Variants in C12orf42 observed in about 807,000 individuals in gnomAD.
C12orf42 encodes the protein uncharacterized protein C12orf42.
In C12orf42, 25 loss-of-function variants were observed where a neutral mutation model predicts 21.6. The ratio of observed to expected loss-of-function variants is 1.16; its 90% confidence interval spans 0.84 to 1.62. The LOEUF (loss-of-function observed/expected upper bound fraction) is 1.62, where lower values mean the gene tolerates loss of function less well. C12orf42 is among the 40% of genes most tolerant of loss of function. The pLI, the probability that C12orf42 is intolerant of heterozygous loss-of-function variation, is 0.00. For missense variants in C12orf42, 483 were observed against 459.3 expected, an observed-to-expected ratio of 1.05 and a Z score of -0.47; for synonymous variants, 174 against 175.0, an observed-to-expected ratio of 0.99 and a Z score of 0.05.
chr12:103,520,551 C>T, the C12orf42 span, among the ~76,000 whole-genome samples: 8 of 151,308 alleles, frequency 5.3e-5, no homozygotes, highest in African/African-American at 1.9e-4. Flanking sequence ...ACAACAACAA[C>T]AACAAATCTT....
rs1003858198 is a variant in C12orf42 at position 103,399,402 on chromosome 12, T to A, written c.147+2205A>T. 4.0e-5 allele frequency among the ~76,000 whole-genome samples: 6 copies of A among 151,702 alleles called. No homozygotes were observed. The South Asian group carries it at 1.3e-3, about 32-fold the overall frequency. ...TTGTTTGTTTGAAACAGAGTCTCAC[T>A]CTGTCGCCCAGGCTGGAGTGAAATG... On this transcript the variant is annotated intron_variant, in intron 3 of 5. Coordinates refer to ENST00000548883, the MANE Select transcript of C12orf42 (RefSeq NM_198521.5).
intron 2 of C12orf42, among the ~76,000 whole-genome samples, chr12:103,429,037 C>T (rs1423734229): frequency 6.6e-6 from 1 of 152,174 alleles, no homozygotes; most frequent in African/African-American, 2.4e-5. Flanking sequence ...AAGCTAGAAG[C>T]ATTCCCTCTG....
chr12:103,411,366 ACT>A (rs2048832097), intron 2 of C12orf42, among the ~76,000 whole-genome samples: 1 of 152,086 alleles, frequency 6.6e-6, no homozygotes. Context: ...TTACCATGAC[ACT>A]CTACTTTTTT....
At chr12:103,201,968 A>G in the C12orf42 span, among the ~76,000 whole-genome samples, 1 of 152,242 alleles carries the variant, frequency 6.6e-6, no homozygotes, top group Non-Finnish European at 1.5e-5. Context: ...ATGATGTATA[A>G]CATTACCACA....
At chr12:103,478,306 A>T in intron 2 of C12orf42, 43 bp downstream of exon 2, 1 of 1,316,946 alleles carries the variant, frequency 7.6e-7, no homozygotes, top group Non-Finnish European at 1.1e-6. Context: ...CAAACCTATT[A>T]ACCTAAAAAA....
chr12:103,345,367 C>T (rs1373829439), intron 4 of C12orf42, among the ~76,000 whole-genome samples: 1 of 152,168 alleles, frequency 6.6e-6, no homozygotes, highest in Non-Finnish European at 1.5e-5. Context: ...AGAAGAGTGC[C>T]TGGTGTATCA....
chr12:103,300,071 A>G (rs1341559005), downstream of C12orf42, among the ~76,000 whole-genome samples: 7 of 152,254 alleles, frequency 4.6e-5, no homozygotes, highest in African/African-American at 1.7e-4. Flanking sequence ...TTTGAACCCT[A>G]CAAATCTACA....
chr12:103,116,113 G>A, the C12orf42 span, among the ~76,000 whole-genome samples: 1 of 152,146 alleles, frequency 6.6e-6, no homozygotes, highest in South Asian at 2.1e-4. Flanking sequence ...TGTAATCCCA[G>A]CACTTTGGGA....
the C12orf42 span, among the ~76,000 whole-genome samples, chr12:103,107,569 A>G: frequency 6.6e-6 from 1 of 151,956 alleles, no homozygotes; most frequent in South Asian, 2.1e-4. Context: ...TCAAATGACA[A>G]GATAAGCACT....
the C12orf42 span, among the ~76,000 whole-genome samples, chr12:103,182,176 A>G: frequency 6.6e-6 from 1 of 152,026 alleles, no homozygotes; most frequent in African/African-American, 2.4e-5. Context: ...CTCACTCCCA[A>G]TAGCAAGTAG....
the C12orf42 span, among the ~76,000 whole-genome samples, chr12:103,512,218 G>T: frequency 6.6e-6 from 1 of 152,092 alleles, no homozygotes; most frequent in Non-Finnish European, 1.5e-5. Context: ...GACAACTATT[G>T]CATGTTCTCA....
the C12orf42 span, among the ~76,000 whole-genome samples, chr12:103,540,609 C>T: frequency 0.18 from 27,408 of 152,086 alleles, 2,541 homozygotes; most frequent in South Asian, 0.29. Flanking sequence ...ATATTGCAAC[C>T]GCAGCTTTCC....
intron 3 of C12orf42, among the ~76,000 whole-genome samples, chr12:103,391,463 G>A (rs992556090): frequency 6.6e-6 from 1 of 151,970 alleles, no homozygotes; most frequent in African/African-American, 2.4e-5. Context: ...CAACCATTAT[G>A]ATGGGTATAA....
At chr12:103,127,196 T>A in the C12orf42 span, among the ~76,000 whole-genome samples, 1 of 152,204 alleles carries the variant, frequency 6.6e-6, no homozygotes, top group Admixed American at 6.5e-5. Flanking sequence ...AAATGCCACT[T>A]CTGGAAGTTT....
chr12:103,485,307 C>T lies in C12orf42; in HGVS notation c.-21-6860G>A, dbSNP rs139248862. ...AGATGTGTGCTGTTATTTCTGAGGC[C>T]GCTGTTCTGTTCCATTGGTCTATGT... On this transcript the variant is annotated intron_variant, in intron 1 of 5. Transcript: ENST00000548883. Among the ~76,000 whole-genome samples, 128 of 152,224 alleles carry T rather than the reference C, an allele frequency of 8.4e-4. 2 individuals are homozygous for T. The East Asian group carries it at 0.022, about 26-fold the overall frequency.
At chr12:103,287,369 C>A (rs1167113842) in intron 4 of C12orf42, among the ~76,000 whole-genome samples, 1 of 152,122 alleles carries the variant, frequency 6.6e-6, no homozygotes, top group East Asian at 1.9e-4. Flanking sequence ...GAATACTATG[C>A]AACCATAAAA....
downstream of C12orf42, among the ~76,000 whole-genome samples, chr12:103,236,145 C>A (rs181334368): frequency 6.6e-6 from 1 of 152,174 alleles, no homozygotes; most frequent in Non-Finnish European, 1.5e-5. Flanking sequence ...TGTCACTTTT[C>A]AGAATCTTAG....
chr12:103,248,626 C>G (rs190834767), intron 10 of C12orf42, among the ~76,000 whole-genome samples: 4 of 151,854 alleles, frequency 2.6e-5, no homozygotes, highest in African/African-American at 9.7e-5. Flanking sequence ...GAGAAAATTC[C>G]GAAGAGTAAA....
At chr12:103,415,424 T>A (rs1298462763) in intron 2 of C12orf42, among the ~76,000 whole-genome samples, 1 of 152,070 alleles carries the variant, frequency 6.6e-6, no homozygotes, top group Non-Finnish European at 1.5e-5. Context: ...TGACTAACGA[T>A]TGGACTTAAT....
Sources: gnomAD v4.1 joint callset for allele counts (sites outside exome capture counted in the v4.1 genomes callset) on GRCh38, gnomAD v4.1.1 for gene constraint, MANE v1.5 for transcripts, NCBI Gene and HGNC (gene_info 2026-07-23, HGNC 2026-07-21) for gene names.